The following ASTN1 variants were observed in gnomAD, a reference collection of about 807,000 sequenced individuals.
The protein encoded by ASTN1 is astrotactin-1.
A neutral mutation model predicts 140.7 loss-of-function variants in ASTN1; 41 were observed. The ratio of observed to expected loss-of-function variants is 0.29; its 90% CI spans 0.23 to 0.38. The LOEUF is 0.38. ASTN1 is among the 10% of genes least tolerant of loss of function. The pLI is 1.00. For missense variants in ASTN1, 1,479 were observed against 1,678.8 expected, an observed-to-expected ratio of 0.88 and a Z score of 2.08; for synonymous variants, 640 against 652.2, an observed-to-expected ratio of 0.98 and a Z score of 0.29.
Position 176,957,779 on chromosome 1 carries a change from C to G in ASTN1, c.1786G>C (p.Asp596His). Residue 596 changes from aspartate (D) to histidine (H), a missense_variant, in exon 11 of 23, where the codon GAT (aspartate) becomes CAT (histidine). Physicochemically the swap from Asp to His is moderately conservative, Grantham distance 81 (BLOSUM62 -1). Coordinates refer to ENST00000361833, the MANE Select transcript of ASTN1 (RefSeq NM_004319.3). The stretch of plus-strand genomic sequence containing the variant: ...CAGTCGCGCACCGGCCCAAAGGAAT[C>G]TAAGAGAACCTCCAGGCTGTCGAAG... ...SSFDSLEVLL[D>H]SFGPVRDCSK... The G allele has an allele frequency of 1.2e-6, 2 of 1,614,068 alleles. No homozygotes were observed. The highest frequency in any genetic ancestry group is 8.5e-7 in the Non-Finnish European group (1 of 1,179,988).
chr1:177,118,091 A>C (rs2102172233), intron 1 of ASTN1, among the ~76,000 whole-genome samples: 1 of 152,252 alleles, frequency 6.6e-6, no homozygotes, highest in Middle Eastern at 3.4e-3. Context: ...CCTTCCACAA[A>C]CACAGTAAAT....
intron 2 of ASTN1, among the ~76,000 whole-genome samples, chr1:177,052,054 G>T (rs1677567642): frequency 6.6e-6 from 1 of 152,126 alleles, no homozygotes; most frequent in Non-Finnish European, 1.5e-5. Flanking sequence ...AAGACGCCTG[G>T]TGGGAAACCC....
intron 1 of ASTN1, among the ~76,000 whole-genome samples, chr1:177,064,564 G>C (rs1678256878): frequency 2.0e-5 from 3 of 152,170 alleles, no homozygotes; most frequent in Non-Finnish European, 4.4e-5. Flanking sequence ...GGGGAGGTGG[G>C]CTGAGAGCAC....
intron 1 of ASTN1, among the ~76,000 whole-genome samples, chr1:177,095,336 C>T (rs1679978762): frequency 6.6e-6 from 1 of 152,164 alleles, no homozygotes; most frequent in Non-Finnish European, 1.5e-5. Flanking sequence ...TATGGATCTG[C>T]CATCTCAATA....
At chr1:177,065,050 C>A (rs1165367011) in intron 1 of ASTN1, among the ~76,000 whole-genome samples, 1 of 152,194 alleles carries the variant, frequency 6.6e-6, no homozygotes, top group Admixed American at 6.5e-5. Context: ...ATGAGGCTCG[C>A]AAAAGCAAAT....
intron 1 of ASTN1, among the ~76,000 whole-genome samples, chr1:177,123,002 G>C (rs1033207297): frequency 1.3e-5 from 2 of 152,136 alleles, no homozygotes; most frequent in Non-Finnish European, 2.9e-5. Context: ...CAAGGCCAAG[G>C]CTCCTCTCAA....
intron 16 of ASTN1, among the ~76,000 whole-genome samples, chr1:176,906,714 C>T (rs777306979): frequency 1.1e-4 from 16 of 151,770 alleles, no homozygotes; most frequent in East Asian, 3.9e-4. Flanking sequence ...ATTAGCCAGG[C>T]GTGGTGGTGT....
Position 176,921,010 on chromosome 1 carries a change from A to T in ASTN1, c.2671+13142T>A, listed in dbSNP as rs368676667. 5.9e-5 allele frequency among the ~76,000 whole-genome samples: 9 copies of T among 152,324 alleles called. No homozygotes were observed. In the South Asian group the frequency reaches 1.9e-3, roughly 32 times the overall value. On this transcript the variant is annotated intron_variant, in intron 16 of 22. Coordinates refer to ENST00000361833, the MANE Select transcript of ASTN1 (RefSeq NM_004319.3). ...AAGAGAGAGAAGTTAATCAGATTGG[A>T]AAACTGTCTACTTATCAGTAACAGA...
At chr1:177,028,652 C>T (rs1172852064) in intron 5 of ASTN1, among the ~76,000 whole-genome samples, 7 of 152,120 alleles carry the variant, frequency 4.6e-5, no homozygotes, top group South Asian at 2.1e-4. Flanking sequence ...CTTACAGGGA[C>T]GCTGCCTAAA....
intron 1 of ASTN1, among the ~76,000 whole-genome samples, chr1:177,067,572 A>G (rs1280527769): frequency 6.6e-6 from 1 of 152,132 alleles, no homozygotes; most frequent in Non-Finnish European, 1.5e-5. Context: ...TCTCACTGAA[A>G]CTATTAACAG....
At chr1:177,117,431 A>G (rs572155717) in intron 1 of ASTN1, among the ~76,000 whole-genome samples, 87 of 152,264 alleles carry the variant, frequency 5.7e-4, no homozygotes, top group African/African-American at 2.0e-3. Flanking sequence ...CACCCAACAG[A>G]TATTTACCGA....
At chr1:177,010,739 G>A (rs566840874) in intron 8 of ASTN1, among the ~76,000 whole-genome samples, 2 of 152,262 alleles carry the variant, frequency 1.3e-5, no homozygotes, top group East Asian at 3.9e-4. Context: ...CAACCTCCTC[G>A]ATTCACATGC....
intron 16 of ASTN1, among the ~76,000 whole-genome samples, chr1:176,908,212 C>G (rs1268840123): frequency 6.6e-6 from 1 of 151,990 alleles, no homozygotes; most frequent in Admixed American, 6.6e-5. Context: ...GACTAAGGAG[C>G]AACAGCAGCA....
intron 14 of ASTN1, among the ~76,000 whole-genome samples, chr1:176,941,847 A>C (rs756539645): frequency 6.6e-6 from 1 of 152,172 alleles, no homozygotes; most frequent in African/African-American, 2.4e-5. Flanking sequence ...TCTTCAAGGC[A>C]TTTTACACAC....
chr1:177,058,120 G>A (rs890761835), intron 2 of ASTN1, among the ~76,000 whole-genome samples: 1 of 152,202 alleles, frequency 6.6e-6, no homozygotes, highest in Non-Finnish European at 1.5e-5. Flanking sequence ...TGGGAATTGA[G>A]GACAATGAGA....
At chr1:177,158,460 A>G (rs1393076663) in intron 1 of ASTN1, among the ~76,000 whole-genome samples, 2 of 152,070 alleles carry the variant, frequency 1.3e-5, no homozygotes, top group African/African-American at 4.8e-5. Context: ...GTCCTGGGAG[A>G]TTAACTTGCT....
intron 4 of ASTN1, 74 bp downstream of exon 4, chr1:177,030,732 A>T: frequency 6.3e-7 from 1 of 1,578,572 alleles, no homozygotes; most frequent in South Asian, 1.1e-5. Context: ...GAGAATGGGT[A>T]GAAGATATTA....
At chr1:177,020,711 G>T (rs1018917229) in intron 7 of ASTN1, among the ~76,000 whole-genome samples, 8 of 152,170 alleles carry the variant, frequency 5.3e-5, no homozygotes, top group Non-Finnish European at 1.0e-4. Flanking sequence ...GCATTATTGT[G>T]TCTCTCACAC....
chr1:177,079,087 C>A (rs1294057205), intron 1 of ASTN1, among the ~76,000 whole-genome samples: 1 of 152,136 alleles, frequency 6.6e-6, no homozygotes, highest in African/African-American at 2.4e-5. Context: ...TTGTCTGCAC[C>A]TGCAGGGACA....
Sources: allele counts gnomAD v4.1 joint callset (sites outside exome capture counted in the v4.1 genomes callset), GRCh38; gene constraint gnomAD v4.1.1; transcripts MANE v1.5; gene names NCBI Gene and HGNC (gene_info 2026-07-23, HGNC 2026-07-21).